PRMT8: variants seen among roughly 807,000 people sequenced by gnomAD.
PRMT8 encodes the protein protein arginine methyltransferase 8, also known as protein arginine N-methyltransferase 8.
PRMT8 carries 7 observed loss-of-function variants against 47.1 expected under a neutral mutation model. The ratio of observed to expected loss-of-function variants is 0.15; its 90% CI spans 0.08 to 0.28. The LOEUF is 0.28. Ranked by LOEUF, PRMT8 falls within the 10% of genes least tolerant of loss-of-function variation. The pLI, the probability that PRMT8 is intolerant of heterozygous loss-of-function variation, is 1.00. For synonymous variants in PRMT8, 188 were observed against 186.5 expected (o/e 1.01, Z -0.07); for missense variants, 237 against 505.4 (o/e 0.47, Z 5.09).
intron 1 of PRMT8, among the ~76,000 whole-genome samples, chr12:3,386,865 A>G (rs1490913575): frequency 1.3e-5 from 2 of 151,934 alleles, no homozygotes; most frequent in Non-Finnish European, 2.9e-5. Flanking sequence ...GCCTGCCACC[A>G]CGCCTGGCTA....
intron 1 of PRMT8, among the ~76,000 whole-genome samples, chr12:3,407,578 A>G (rs1187336350): frequency 1.3e-5 from 2 of 152,092 alleles, no homozygotes; most frequent in Non-Finnish European, 2.9e-5. Flanking sequence ...CTATTTGATT[A>G]TAATATGCCT....
chr12:3,509,898 A>G (rs965418835), intron 1 of PRMT8, among the ~76,000 whole-genome samples: 1 of 152,220 alleles, frequency 6.6e-6, no homozygotes, highest in Non-Finnish European at 1.5e-5. Context: ...TCGCATAGAC[A>G]AGTGTAACCG....
intron 1 of PRMT8, among the ~76,000 whole-genome samples, chr12:3,455,536 A>G (rs1864965283): frequency 6.6e-6 from 1 of 152,100 alleles, no homozygotes; most frequent in African/African-American, 2.4e-5. Flanking sequence ...AATGCCACTC[A>G]CTGCCCTGTG....
Position 3,456,951 on chromosome 12 carries a change from C to G in PRMT8, c.48+75509C>G, listed in dbSNP as rs60135219. Among the ~76,000 whole-genome samples the G allele has an allele frequency of 0.035, 5,310 of 152,266 alleles. 287 individuals are homozygous for G. The highest frequency in any genetic ancestry group is 0.12 in the African/African-American group (4,857 of 41,522). ...TAGCCGTGTTAAGGGGGTGGGGGCTCTGGCCTCGCTGACCTCGCCTGCCAT... is the reference window on the plus strand; with the variant it reads ...TAGCCGTGTTAAGGGGGTGGGGGCTGTGGCCTCGCTGACCTCGCCTGCCAT... On this transcript the variant is annotated intron_variant, in intron 1 of 9. Transcript: ENST00000452611. The surrounding 1 kb of genome is among the most constrained non-coding windows in gnomAD (Gnocchi z 4.2).
At chr12:3,555,057 G>C (rs1017865004) in intron 4 of PRMT8, among the ~76,000 whole-genome samples, 9 of 152,216 alleles carry the variant, frequency 5.9e-5, no homozygotes, top group African/African-American at 1.7e-4. Flanking sequence ...GCAAGGGCAG[G>C]AGCATTACTG....
rs1866946537 is a variant in PRMT8, at chr12:3,576,473, A to G, written c.713-398A>G. Among the ~76,000 whole-genome samples the G allele has an allele frequency of 6.6e-6, 1 of 152,206 alleles. No individual in the cohort carries two copies. Reference sequence around the variant, plus strand: ...GGTGTGGAGAACAGCTCGAGACAGCATAGGAATGGGAACGTAGAAGACAGA... The same window carrying G: ...GGTGTGGAGAACAGCTCGAGACAGCGTAGGAATGGGAACGTAGAAGACAGA... On this transcript the variant is annotated intron_variant, in intron 6 of 9. Transcript: ENST00000382622. This position sits in a 1 kb window ranked among gnomAD's most constrained non-coding sequence, Gnocchi z 4.0.
intron 1 of PRMT8, among the ~76,000 whole-genome samples, chr12:3,479,244 A>G (rs114335158): frequency 0.014 from 2,126 of 152,306 alleles, 46 homozygotes; most frequent in African/African-American, 0.049. Flanking sequence ...ATGCCTCCCA[A>G]TGGCTTCCCC....
chr12:3,568,861 C>T lies in PRMT8; in HGVS notation c.624+13C>T, dbSNP rs767118135. 5.6e-6 allele frequency: 9 copies of T among 1,613,814 alleles called. No homozygotes were observed. The highest frequency in any genetic ancestry group is 2.2e-5 in the East Asian group (1 of 44,888). On this transcript the variant is annotated intron_variant, in intron 5 of 9. Coordinates refer to ENST00000382622, the MANE Select transcript of PRMT8 (RefSeq NM_019854.5). ...GGACAAGTGGCTGGTAAGTGTCCTG[C>T]ATGCTGTCCCCGCGTTGGCCGGCTG...
chr12:3,573,749 T>C (rs1866891677), intron 6 of PRMT8, among the ~76,000 whole-genome samples: 1 of 152,186 alleles, frequency 6.6e-6, no homozygotes, highest in Non-Finnish European at 1.5e-5. Context: ...TAGGAGTCTG[T>C]TTTCATCCAT....
In PRMT8 at chr12:3,566,939, A is replaced by G. The variant is rs1399320143; in HGVS notation, c.482-1767A>G. Among the ~76,000 whole-genome samples, 1 of 152,242 alleles carries G rather than the reference A, an allele frequency of 6.6e-6. No homozygotes were observed. ...CAGTGGTATCTAAACTAGCTTGCTCAGATCTTTACAGCAACAAATACAAAA... is the reference window on the plus strand; with the variant it reads ...CAGTGGTATCTAAACTAGCTTGCTCGGATCTTTACAGCAACAAATACAAAA... On this transcript the variant is annotated intron_variant, in intron 4 of 9. Transcript: ENST00000382622. The surrounding 1 kb of genome is among the most constrained non-coding windows in gnomAD (Gnocchi z 4.7).
At chr12:3,401,592 A>G (rs1390891590) in intron 1 of PRMT8, among the ~76,000 whole-genome samples, 1 of 152,220 alleles carries the variant, frequency 6.6e-6, no homozygotes, top group Non-Finnish European at 1.5e-5. Flanking sequence ...GTTTCAGCTC[A>G]AAAGCTTCTT....
Position 3,469,656 on chromosome 12 carries a change from C to G in PRMT8, c.49-70950C>G, listed in dbSNP as rs116210340. Among the ~76,000 whole-genome samples the G allele has an allele frequency of 9.9e-3, 1,503 of 152,128 alleles. 30 individuals are homozygous for G. The highest frequency in any genetic ancestry group is 0.034 in the African/African-American group (1,403 of 41,496). ...GAATGAGATAGTGGTAATGGATGCACAACTTTGTGAATATATACAAAAACC... is the reference window on the plus strand; with the variant it reads ...GAATGAGATAGTGGTAATGGATGCAGAACTTTGTGAATATATACAAAAACC... On this transcript the variant is annotated intron_variant, in intron 1 of 9. Coordinates refer to the PRMT8 transcript ENST00000452611.
intron 7 of PRMT8, among the ~76,000 whole-genome samples, chr12:3,579,191 AC>A (rs1250759820): frequency 6.6e-6 from 1 of 152,182 alleles, no homozygotes; most frequent in African/African-American, 2.4e-5. Context: ...TGCCAAAATG[AC>A]ATGTGGCAGT....
intron 4 of PRMT8, among the ~76,000 whole-genome samples, chr12:3,563,801 C>A (rs1222803485): frequency 6.6e-6 from 1 of 152,198 alleles, no homozygotes; most frequent in African/African-American, 2.4e-5. Flanking sequence ...ACCAAGCACA[C>A]AAGTTCCTAG....
Position 3,553,732 on chromosome 12 carries a change from G to A in PRMT8, c.481+18G>A. 3 of 1,563,040 alleles carry A rather than the reference G, an allele frequency of 1.9e-6. No individual in the cohort carries two copies. Among genetic ancestry groups the A allele is most frequent in the South Asian group, 1.1e-5 (1 of 90,048 alleles). On this transcript the variant is annotated intron_variant, in intron 4 of 9. Transcript: ENST00000382622. Reference sequence around the variant, plus strand: ...GGACAACAGTAAGACATACCTCTGAGTGTTTTCTCCTGGATGGAGGGGACG... The same window carrying A: ...GGACAACAGTAAGACATACCTCTGAATGTTTTCTCCTGGATGGAGGGGACG...
At chr12:3,398,052 G>A (rs905504926) in intron 1 of PRMT8, among the ~76,000 whole-genome samples, 6 of 152,172 alleles carry the variant, frequency 3.9e-5, no homozygotes, top group Admixed American at 2.6e-4. Flanking sequence ...GCAATGCCTC[G>A]CCCTGCTTCG....
chr12:3,422,052 A>G (rs910161482), intron 1 of PRMT8, among the ~76,000 whole-genome samples: 2 of 152,130 alleles, frequency 1.3e-5, no homozygotes, highest in Admixed American at 1.3e-4. Context: ...CATAGGGAAA[A>G]GGCTCTGATC....
intron 4 of PRMT8, among the ~76,000 whole-genome samples, chr12:3,565,273 C>A (rs1219035541): frequency 6.7e-6 from 1 of 149,798 alleles, no homozygotes; most frequent in African/African-American, 2.5e-5. Flanking sequence ...TTTTTTTTTT[C>A]CTAATGAGGA....
intron 1 of PRMT8, among the ~76,000 whole-genome samples, chr12:3,476,633 A>T (rs1238161953): frequency 6.6e-6 from 1 of 152,138 alleles, no homozygotes; most frequent in Non-Finnish European, 1.5e-5. Flanking sequence ...GACAAGGTGG[A>T]CTGGATGAGT....
Sources: allele counts gnomAD v4.1 joint callset (sites outside exome capture counted in the v4.1 genomes callset), GRCh38; gene constraint gnomAD v4.1.1; non-coding constraint Gnocchi (gnomAD v3.1); transcripts MANE v1.5; gene names NCBI Gene and HGNC (gene_info 2026-07-23, HGNC 2026-07-21).